The following LRMDA variants were observed in gnomAD, a reference collection of about 807,000 sequenced individuals.
LRMDA encodes leucine rich melanocyte differentiation associated, also known as leucine-rich melanocyte differentiation-associated protein.
Under a neutral mutation model 29.8 loss-of-function variants are expected in LRMDA, and 18 were observed. That is an observed-to-expected ratio of 0.60 (90% CI 0.42 to 0.90). LRMDA has a LOEUF of 0.90. Ranked by LOEUF, LRMDA falls within the 40% of genes least tolerant of loss-of-function variation. The pLI is 0.00. For synonymous variants in LRMDA, 125 were observed against 109.4 expected (o/e 1.14, Z -0.89); for missense variants, 273 against 273.9 (o/e 1.00, Z 0.02).
intron 2 of LRMDA, among the ~76,000 whole-genome samples, chr10:75,951,759 A>G (rs1846578284): frequency 6.6e-6 from 1 of 152,178 alleles, no homozygotes; most frequent in African/African-American, 2.4e-5. Context: ...TTCCTGCATG[A>G]TAAATACACA....
chr10:75,851,445 A>G (rs1844731677), intron 2 of LRMDA, among the ~76,000 whole-genome samples: 1 of 152,068 alleles, frequency 6.6e-6, no homozygotes, highest in South Asian at 2.1e-4. Context: ...AAACTCATCA[A>G]CTTGCAATAC....
chr10:75,862,587 T>C (rs1040220468), intron 2 of LRMDA, among the ~76,000 whole-genome samples: 2 of 152,202 alleles, frequency 1.3e-5, no homozygotes, highest in Non-Finnish European at 2.9e-5. Flanking sequence ...TCCAGGAGAC[T>C]CTGTTCTCAT....
intron 2 of LRMDA, among the ~76,000 whole-genome samples, chr10:75,800,462 G>T (rs1843729060): frequency 6.6e-6 from 1 of 150,730 alleles, no homozygotes. Context: ...TTTTGAAATG[G>T]AGTCTTGCTC....
At chr10:75,883,197 C>A (rs1845323257) in intron 2 of LRMDA, 1 of 152,234 alleles carries the variant, frequency 6.6e-6, no homozygotes, top group African/African-American at 2.4e-5. Context: ...GCAGTAAAAC[C>A]ATCGGGCACT....
chr10:75,678,407 A>AAT (rs1314238289), intron 2 of LRMDA, among the ~76,000 whole-genome samples: 1 of 152,202 alleles, frequency 6.6e-6, no homozygotes, highest in African/African-American at 2.4e-5. Context: ...GAGAAGTTTA[A>AAT]TAAAGACTTC....
intron 2 of LRMDA, among the ~76,000 whole-genome samples, chr10:75,576,303 C>A (rs1346858125): frequency 6.6e-6 from 1 of 152,214 alleles, no homozygotes; most frequent in Admixed American, 6.5e-5. Context: ...CCACTGCTGC[C>A]AGACTGCCTC....
Position 76,161,235 on chromosome 10 carries a change from C to T in LRMDA, c.516+102452C>T, listed in dbSNP as rs77648600. On this transcript the variant is annotated intron_variant, in intron 5 of 6. Coordinates refer to ENST00000611255, the MANE Select transcript of LRMDA (RefSeq NM_001305581.2). ...TCTTTAAGTGAATGAGCAATAACAC[C>T]GGAATAAAAGAGCTCAAAACAGAGC... Among the ~76,000 whole-genome samples the T allele has an allele frequency of 4.6e-3, 694 of 152,126 alleles. 2 individuals are homozygous for T. The highest frequency in any genetic ancestry group is 7.3e-3 in the Admixed American group (112 of 15,270).
At chr10:76,363,211 A>AGGGAGGGAGGGC (rs1564520715) in intron 6 of LRMDA, among the ~76,000 whole-genome samples, 1 of 10,080 alleles carries the variant, frequency 9.9e-5, no homozygotes, top group Admixed American at 4.7e-4. Flanking sequence ...GGAGGGAGGG[A>AGGGAGGGAGGGC]AGGAAGAGAA....
chr10:75,852,809 T>G (rs1465870501), intron 2 of LRMDA, among the ~76,000 whole-genome samples: 1 of 152,130 alleles, frequency 6.6e-6, no homozygotes, highest in Non-Finnish European at 1.5e-5. Context: ...AAAACTAGCT[T>G]TAGTATAGGC....
intron 5 of LRMDA, among the ~76,000 whole-genome samples, chr10:76,292,223 C>T (rs1196208649): frequency 6.6e-6 from 1 of 152,108 alleles, no homozygotes; most frequent in Non-Finnish European, 1.5e-5. Flanking sequence ...TAATATATAG[C>T]CTTCCAATGC....
At chr10:76,246,429 GT>G (rs1270781502) in intron 5 of LRMDA, among the ~76,000 whole-genome samples, 2 of 152,104 alleles carry the variant, frequency 1.3e-5, no homozygotes, top group Non-Finnish European at 2.9e-5. Flanking sequence ...CTAACAACCT[GT>G]TTTCTTCTGC....
In LRMDA at chr10:76,077,805, C is replaced by A. The variant is rs79235509; in HGVS notation, c.516+19022C>A. Reference sequence around the variant, plus strand: ...GAGGTTTAGCTGGAAGGTAACATACCTGAAGCCTCAAGATTGGGGCATTTT... The same window carrying A: ...GAGGTTTAGCTGGAAGGTAACATACATGAAGCCTCAAGATTGGGGCATTTT... On this transcript the variant is annotated intron_variant, in intron 5 of 6. Coordinates refer to ENST00000611255, the MANE Select transcript of LRMDA (RefSeq NM_001305581.2). Among the ~76,000 whole-genome samples the A allele has an allele frequency of 2.2e-3, 339 of 151,948 alleles. 6 individuals carry two copies. The highest frequency in any genetic ancestry group is 7.0e-3 in the African/African-American group (291 of 41,418).
At chr10:75,757,811 T>C (rs1372976505) in intron 2 of LRMDA, among the ~76,000 whole-genome samples, 1 of 151,174 alleles carries the variant, frequency 6.6e-6, no homozygotes, top group Admixed American at 6.6e-5. Context: ...TTTTTTTTTT[T>C]TTTGTTAAGA....
chr10:75,853,519 G>A (rs1315733134), intron 2 of LRMDA, among the ~76,000 whole-genome samples: 1 of 152,074 alleles, frequency 6.6e-6, no homozygotes, highest in Non-Finnish European at 1.5e-5. Flanking sequence ...CTGCTTTCAA[G>A]TGAGTGGTGC....
intron 2 of LRMDA, among the ~76,000 whole-genome samples, chr10:75,880,738 T>G (rs1322633272): frequency 1.3e-5 from 2 of 152,264 alleles, no homozygotes; most frequent in Non-Finnish European, 2.9e-5. Flanking sequence ...ACTGCAGTTA[T>G]GCTCTGTATT....
intron 2 of LRMDA, among the ~76,000 whole-genome samples, chr10:75,558,559 T>C (rs1040211236): frequency 6.6e-6 from 1 of 151,788 alleles, no homozygotes; most frequent in Non-Finnish European, 1.5e-5. Flanking sequence ...ACTTTAAGTT[T>C]TAGGGTACAT....
At chr10:75,879,468 G>C (rs1476053892) in intron 2 of LRMDA, among the ~76,000 whole-genome samples, 1 of 152,216 alleles carries the variant, frequency 6.6e-6, no homozygotes, top group Non-Finnish European at 1.5e-5. Context: ...TACCGCCTCA[G>C]ATTCTAAATA....
chr10:76,221,898 A>T (rs992281566), intron 5 of LRMDA, among the ~76,000 whole-genome samples: 2 of 152,086 alleles, frequency 1.3e-5, no homozygotes, highest in African/African-American at 4.8e-5. Flanking sequence ...CCAAAACAGC[A>T]TGGTACTGGT....
At chr10:75,727,875 G>T (rs1188865065) in intron 2 of LRMDA, among the ~76,000 whole-genome samples, 2 of 152,112 alleles carry the variant, frequency 1.3e-5, no homozygotes, top group African/African-American at 4.8e-5. Context: ...TTCATTAGAT[G>T]GCTTTGTTTC....
Sources: gnomAD v4.1 joint callset for allele counts (sites outside exome capture counted in the v4.1 genomes callset) on GRCh38, gnomAD v4.1.1 for gene constraint, MANE v1.5 for transcripts, NCBI Gene and HGNC (gene_info 2026-07-23, HGNC 2026-07-21) for gene names.